The following AASS variants were observed in gnomAD, a reference collection of about 807,000 sequenced individuals.
AASS encodes aminoadipate-semialdehyde synthase.
In AASS, 86 loss-of-function variants were observed where a neutral mutation model predicts 105.4. That is an observed-to-expected ratio of 0.82 (90% CI 0.69 to 0.98). The LOEUF (loss-of-function observed/expected upper bound fraction) is 0.98, where lower values mean the gene tolerates loss of function less well. AASS is among the 50% of genes least tolerant of loss of function. The probability of loss-of-function intolerance (pLI) is 0.00; values close to 1 mark genes in which losing one functional copy is unlikely to be tolerated. For missense variants in AASS, 1,048 were observed against 1,143.2 expected, an observed-to-expected ratio of 0.92 and a Z score of 1.20; for synonymous variants, 381 against 394.8, an observed-to-expected ratio of 0.96 and a Z score of 0.41.
At chr7:122,117,051 A>G in intron 6 of AASS, 94 bp from the exon 7 acceptor site, 2 of 1,148,072 alleles carry the variant, frequency 1.7e-6, no homozygotes, top group East Asian at 2.4e-5. Context: ...CAACAATTAC[A>G]TAGCTCCACT....
At chr7:122,116,530 G>C (rs1795184106) in intron 8 of AASS, 103 bp downstream of exon 8, 1 of 1,473,162 alleles carries the variant, frequency 6.8e-7, no homozygotes, top group African/African-American at 1.4e-5. Flanking sequence ...CTCACAACAG[G>C]AAAACTGAAA....
chr7:122,092,960 G>T lies in AASS; in HGVS notation c.1767-9C>A. On this transcript the variant is annotated splice_polypyrimidine_tract_variant and intron_variant, in intron 16 of 23. Transcript: ENST00000417368. ...TGCCAGCATCTTCCACACTGCAGCA[G>T]GTGGAAAGAGGAAAAAGGAAAACTT... The T allele has an allele frequency of 6.2e-7, 1 of 1,612,558 alleles. No individual in the cohort carries two copies. The highest frequency in any genetic ancestry group is 1.1e-5 in the South Asian group (1 of 91,056).
intron 4 of AASS, among the ~76,000 whole-genome samples, chr7:122,118,908 C>CG (rs2150539945): frequency 1.3e-5 from 2 of 152,258 alleles, no homozygotes; most frequent in South Asian, 4.1e-4. Context: ...ACCTTGGCTC[C>CG]GGATCCCATC....
At chr7:122,107,523 G>A (rs955406827) in intron 11 of AASS, among the ~76,000 whole-genome samples, 6 of 152,132 alleles carry the variant, frequency 3.9e-5, no homozygotes, top group African/African-American at 1.4e-4. Context: ...ATAAATGATA[G>A]ACTGTATAAA....
At chr7:122,119,277 T>C (rs992932032) in intron 4 of AASS, among the ~76,000 whole-genome samples, 1 of 152,184 alleles carries the variant, frequency 6.6e-6, no homozygotes, top group Admixed American at 6.5e-5. Flanking sequence ...CAGGATTATG[T>C]CCTGGGCTCT....
At chr7:122,099,881 C>G (rs1406830915) in intron 13 of AASS, among the ~76,000 whole-genome samples, 1 of 151,860 alleles carries the variant, frequency 6.6e-6, no homozygotes, top group African/African-American at 2.4e-5. Flanking sequence ...TCCCATTTCA[C>G]CTTCCAGAGA....
chr7:122,081,646 A>G (rs1425177697), intron 19 of AASS, 51 bp from the exon 20 acceptor site: 2 of 1,309,758 alleles, frequency 1.5e-6, no homozygotes, highest in South Asian at 1.2e-5. Context: ...TTCCAATGAA[A>G]AAACTTAAAA....
At chr7:122,099,213 C>G (rs1000401106) in intron 13 of AASS, among the ~76,000 whole-genome samples, 3 of 151,878 alleles carry the variant, frequency 2.0e-5, no homozygotes, top group Non-Finnish European at 4.4e-5. Flanking sequence ...CTTGGTCTCA[C>G]ATTTTATCCT....
chr7:122,135,900 T>A (rs1348121376), intron 1 of AASS, among the ~76,000 whole-genome samples: 1 of 152,236 alleles, frequency 6.6e-6, no homozygotes, highest in Non-Finnish European at 1.5e-5. Flanking sequence ...GCAGAATAAA[T>A]CTTATGTAAA....
rs944121576 is a variant in AASS at position 122,091,952 on chromosome 7, A to C, written c.1876-109T>G. 1.2e-5 allele frequency: 10 copies of C among 807,374 alleles called. No individual in the cohort carries two copies. The African/African-American group carries it at 1.7e-4, about 14-fold the overall frequency. The allele number at this position is 807,374 out of a possible 1,614,324, so 50.0% of individuals were successfully genotyped here. ...TGGAGTAAACTTGCTACAGTTTTTC[A>C]TTCTTAAAGTTACTAAGGCATTCAA... On this transcript the variant is annotated intron_variant, in intron 17 of 23. Transcript: ENST00000417368.
intron 2 of AASS, among the ~76,000 whole-genome samples, chr7:122,131,061 TAGATC>T (rs1272980585): frequency 1.3e-5 from 2 of 149,102 alleles, no homozygotes; most frequent in African/African-American, 4.9e-5. Context: ...AAAACAATGA[TAGATC>T]AGAAACAAAA....
At chr7:122,109,451 C>T (rs765318636) in intron 11 of AASS, among the ~76,000 whole-genome samples, 1 of 151,942 alleles carries the variant, frequency 6.6e-6, no homozygotes, top group Non-Finnish European at 1.5e-5. Flanking sequence ...TAACAGCAGA[C>T]ACATAAACCA....
intron 19 of AASS, among the ~76,000 whole-genome samples, chr7:122,085,634 T>C (rs1473529324): frequency 6.6e-6 from 1 of 152,242 alleles, no homozygotes; most frequent in Admixed American, 6.5e-5. Context: ...GGTATCATTT[T>C]TTATTCCCAC....
At position 122,076,100 on chromosome 7, in the gene AASS, G is replaced by A. The variant is rs1376627742; in HGVS notation, c.*389C>T. 2.6e-5 allele frequency: 5 copies of A among 190,718 alleles called. No individual in the cohort carries two copies. The highest frequency in any genetic ancestry group is 5.4e-5 in the Non-Finnish European group (5 of 91,952). The allele number at this position is 190,718 out of a possible 1,614,324, so 11.8% of individuals were successfully genotyped here. A position where few individuals can be genotyped will look rare whatever the true frequency, so the allele number is the denominator to read the frequency against. On this transcript the variant is annotated 3_prime_UTR_variant, in exon 24 of 24. Transcript: ENST00000417368. ...GAGGCAGGAGAATGGCGTGAACCCA[G>A]GAGGCGGAGCTTGCAGTGAGCCGAG...
chr7:122,120,511 T>C (rs1003556178), intron 4 of AASS, among the ~76,000 whole-genome samples: 6 of 152,184 alleles, frequency 3.9e-5, no homozygotes, highest in African/African-American at 1.4e-4. Context: ...AACCAGGTTT[T>C]GGTTTCATTG....
At chr7:122,109,996 A>T (rs1468221600) in intron 11 of AASS, among the ~76,000 whole-genome samples, 1 of 152,100 alleles carries the variant, frequency 6.6e-6, no homozygotes, top group South Asian at 2.1e-4. Context: ...GCTGTACTCA[A>T]AGTAAATCTA....
At chr7:122,098,712 A>G in intron 14 of AASS, 33 bp downstream of exon 14, 1 of 1,601,844 alleles carries the variant, frequency 6.2e-7, no homozygotes, top group Non-Finnish European at 8.5e-7. Flanking sequence ...TATAAAATAC[A>G]TTTTTCTTCT....
chr7:122,078,083 C>G, intron 22 of AASS, 69 bp from the exon 23 acceptor site: 1 of 1,454,446 alleles, frequency 6.9e-7, no homozygotes, highest in Non-Finnish European at 9.6e-7. Flanking sequence ...GTCATCTCCT[C>G]CTGCCCTTCT....
Position 122,113,160 on chromosome 7 carries a change from T to A in AASS, c.1236A>T (p.Thr412=), listed in dbSNP as rs1163431926. The change falls in exon 11 of 24, where the codon ACA becomes ACT. Residue 412 remains threonine (T), a synonymous_variant. Transcript: ENST00000417368. The part of the protein sequence containing the change: ...NLPAQLPIEA[T]ECFGDMLYPY... ...GGTAAAGCATGTCTCCAAAGCATTC[T>A]GTAGCTTCAATTGGGAGCTGTGCCG... 4 of 1,613,946 alleles carry A rather than the reference T, an allele frequency of 2.5e-6. No homozygotes were observed. The African/African-American group carries it at 5.3e-5, about 22-fold the overall frequency.
Sources: allele counts gnomAD v4.1 joint callset (sites outside exome capture counted in the v4.1 genomes callset), GRCh38; gene constraint gnomAD v4.1.1; transcripts MANE v1.5; gene names NCBI Gene and HGNC (gene_info 2026-07-23, HGNC 2026-07-21).